The following SYNPR variants were observed in gnomAD, a reference collection of about 807,000 sequenced individuals.
The protein encoded by SYNPR is synaptoporin.
Under a neutral mutation model 32.9 loss-of-function variants are expected in SYNPR, and 23 were observed. The ratio of observed to expected loss-of-function variants is 0.70; its 90% CI spans 0.50 to 0.99. SYNPR has a LOEUF of 0.99. Ranked by LOEUF, SYNPR falls within the 50% of genes least tolerant of loss-of-function variation. The pLI is 0.00. For synonymous variants in SYNPR, 146 were observed against 135.9 expected, an observed-to-expected ratio of 1.07 and a Z score of -0.52; for missense variants, 318 against 349.3, an observed-to-expected ratio of 0.91 and a Z score of 0.71.
intron 3 of SYNPR, among the ~76,000 whole-genome samples, chr3:63,520,649 G>T (rs917491950): frequency 9.4e-5 from 14 of 148,394 alleles, no homozygotes; most frequent in Non-Finnish European, 1.8e-4. Flanking sequence ...CTCCAGCCTG[G>T]GTGACAGAGC....
At chr3:63,322,613 A>G (rs574696611) in intron 2 of SYNPR, among the ~76,000 whole-genome samples, 2 of 152,204 alleles carry the variant, frequency 1.3e-5, no homozygotes, top group African/African-American at 4.8e-5. Flanking sequence ...AATGCTCACA[A>G]TGATTCTGTG....
chr3:63,390,573 A>G (rs548733277), intron 2 of SYNPR, among the ~76,000 whole-genome samples: 12 of 152,206 alleles, frequency 7.9e-5, no homozygotes, highest in Non-Finnish European at 1.3e-4. Flanking sequence ...TGTGCATCTT[A>G]TGGTCAGACA....
chr3:63,254,465 TA>T (rs2086364796), intron 2 of SYNPR, among the ~76,000 whole-genome samples: 1 of 152,196 alleles, frequency 6.6e-6, no homozygotes, highest in African/African-American at 2.4e-5. Flanking sequence ...GACTACATCA[TA>T]AGCTGCTGCA....
At chr3:63,577,629 G>T (rs1703008535) in intron 4 of SYNPR, among the ~76,000 whole-genome samples, 1 of 152,140 alleles carries the variant, frequency 6.6e-6, no homozygotes, top group Non-Finnish European at 1.5e-5. Flanking sequence ...ATGAATGTAG[G>T]TATGTGTGAG....
chr3:63,538,423 G>A (rs1444025493), intron 3 of SYNPR, among the ~76,000 whole-genome samples: 7 of 151,934 alleles, frequency 4.6e-5, no homozygotes, highest in East Asian at 3.9e-4. Context: ...TATTATTCTC[G>A]GTGGAGTCAG....
At chr3:63,554,610 A>G (rs181492582) in intron 3 of SYNPR, among the ~76,000 whole-genome samples, 172 of 152,258 alleles carry the variant, frequency 1.1e-3, no homozygotes, top group African/African-American at 4.0e-3. Flanking sequence ...TGGTTGCTCT[A>G]GCCTTGTGGT....
intron 2 of SYNPR, among the ~76,000 whole-genome samples, chr3:63,349,577 T>G (rs975773379): frequency 3.9e-5 from 6 of 152,260 alleles, no homozygotes; most frequent in African/African-American, 1.4e-4. Flanking sequence ...CTATTGTAAA[T>G]GGGACTGCCT....
At chr3:63,520,848 T>C (rs1395932717) in intron 3 of SYNPR, among the ~76,000 whole-genome samples, 4 of 152,202 alleles carry the variant, frequency 2.6e-5, no homozygotes, top group Non-Finnish European at 5.9e-5. Flanking sequence ...ATGACTTTGC[T>C]GATGAATGTA....
intron 3 of SYNPR, among the ~76,000 whole-genome samples, chr3:63,272,669 A>G (rs753494150): frequency 6.6e-6 from 1 of 152,144 alleles, no homozygotes; most frequent in African/African-American, 2.4e-5. Flanking sequence ...CACTGCATCC[A>G]GACAATGAAA....
At chr3:63,204,836 C>T in the SYNPR span, among the ~76,000 whole-genome samples, 279 of 152,126 alleles carry the variant, frequency 1.8e-3, 2 homozygotes, top group African/African-American at 6.2e-3. Context: ...TACAGGCATG[C>T]GCCACCATGC....
intron 2 of SYNPR, among the ~76,000 whole-genome samples, chr3:63,303,214 A>C (rs866010083): frequency 6.6e-6 from 1 of 150,552 alleles, no homozygotes; most frequent in Non-Finnish European, 1.5e-5. Flanking sequence ...AAATGCTCTT[A>C]TGTGACCTTA....
chr3:63,597,451 A>C (rs1467622437), intron 4 of SYNPR, among the ~76,000 whole-genome samples: 1 of 152,192 alleles, frequency 6.6e-6, no homozygotes, highest in Non-Finnish European at 1.5e-5. Context: ...AAAAACATGA[A>C]AAGATGAGCA....
chr3:63,534,370 G>A (rs1269060862), intron 3 of SYNPR, among the ~76,000 whole-genome samples: 1 of 152,170 alleles, frequency 6.6e-6, no homozygotes, highest in Non-Finnish European at 1.5e-5. Flanking sequence ...GTTTTGTTTA[G>A]TGAAATTGTA....
In SYNPR at chr3:63,396,384, A is replaced by G. The variant is rs141386965; in HGVS notation, c.85-84448A>G. Among the ~76,000 whole-genome samples, 34 of 152,340 alleles carry G rather than the reference A, an allele frequency of 2.2e-4. No individual in the cohort carries two copies. In the East Asian group the frequency reaches 6.2e-3, roughly 28 times the overall value. ...AGAAGATTATAAAATCAACTCTGTGAGCAAGTCAATATCCCATGTCTAGGG... is the reference window on the plus strand; with the variant it reads ...AGAAGATTATAAAATCAACTCTGTGGGCAAGTCAATATCCCATGTCTAGGG... On this transcript the variant is annotated intron_variant, in intron 2 of 5. Coordinates refer to ENST00000478300, the MANE Select transcript of SYNPR (RefSeq NM_001130003.2).
At chr3:63,502,300 C>A (rs148608183) in intron 3 of SYNPR, among the ~76,000 whole-genome samples, 1,688 of 151,800 alleles carry the variant, frequency 0.011, 32 homozygotes, top group African/African-American at 0.038. Context: ...TTCTCATAAT[C>A]CCCCTTCCCC....
intron 2 of SYNPR, chr3:63,427,591 G>T (rs1277251151): frequency 6.6e-6 from 1 of 152,248 alleles, no homozygotes; most frequent in Admixed American, 6.5e-5. Flanking sequence ...TCTCTGAGGA[G>T]ACAGAAGCTT....
chr3:63,445,623 G>A, intron 2 of SYNPR: 1 of 657,876 alleles, frequency 1.5e-6, no homozygotes, highest in Non-Finnish European at 2.7e-6. Flanking sequence ...ATTTTACATG[G>A]CTTATCCCCT....
At chr3:63,280,654 T>C (rs2086620143) in intron 2 of SYNPR, among the ~76,000 whole-genome samples, 1 of 152,240 alleles carries the variant, frequency 6.6e-6, no homozygotes. Flanking sequence ...CCACTAGATT[T>C]TTATTCATTC....
intron 2 of SYNPR, among the ~76,000 whole-genome samples, chr3:63,377,554 G>T (rs2107062928): frequency 6.6e-6 from 1 of 152,010 alleles, no homozygotes; most frequent in Non-Finnish European, 1.5e-5. Context: ...CTTTCAGTAT[G>T]CTACCAAATA....
Sources: allele counts gnomAD v4.1 joint callset (sites outside exome capture counted in the v4.1 genomes callset), GRCh38; gene constraint gnomAD v4.1.1; transcripts MANE v1.5; gene names NCBI Gene and HGNC (gene_info 2026-07-23, HGNC 2026-07-21).